Variants in SNX29 observed in about 807,000 individuals in gnomAD.
SNX29 encodes the protein sorting nexin 29.
Under a neutral mutation model 102.1 loss-of-function variants are expected in SNX29, and 78 were observed. The observed-to-expected ratio is 0.76, with a 90% confidence interval of 0.64 to 0.92. The LOEUF (loss-of-function observed/expected upper bound fraction) is 0.92. Ranked by LOEUF, SNX29 falls within the 40% of genes least tolerant of loss-of-function variation. The pLI is 0.00. For synonymous variants in SNX29, 580 were observed against 414.5 expected, an observed-to-expected ratio of 1.40 and a Z score of -4.85; for missense variants, 1,280 against 1,061.7, an observed-to-expected ratio of 1.21 and a Z score of -2.86.
chr16:12,515,734 G>A (rs1270871584), intron 19 of SNX29: 6 of 412,352 alleles, frequency 1.5e-5, no homozygotes, highest in Non-Finnish European at 2.9e-5. Context: ...GAGGGCAGGG[G>A]TCACATCTGT....
chr16:12,558,746 C>T (rs192233762), intron 20 of SNX29, among the ~76,000 whole-genome samples: 6 of 152,332 alleles, frequency 3.9e-5, no homozygotes, highest in Admixed American at 3.3e-4. Context: ...CTAGGCTGTC[C>T]CAGGCCCATT....
chr16:12,387,616 G>C (rs1270406608), intron 16 of SNX29, among the ~76,000 whole-genome samples: 1 of 152,242 alleles, frequency 6.6e-6, no homozygotes, highest in Non-Finnish European at 1.5e-5. Flanking sequence ...TTTTAAAATA[G>C]GATGTCGCAG....
At chr16:12,538,105 T>C (rs2077159370) in intron 20 of SNX29, among the ~76,000 whole-genome samples, 2 of 144,032 alleles carry the variant, frequency 1.4e-5, no homozygotes, top group Non-Finnish European at 3.0e-5. Flanking sequence ...CACAGCTTTC[T>C]GCATTTCCCC....
intron 15 of SNX29, among the ~76,000 whole-genome samples, chr16:12,339,880 G>T (rs1035392969): frequency 6.6e-6 from 1 of 152,182 alleles, no homozygotes; most frequent in African/African-American, 2.4e-5. Flanking sequence ...GCCAGGGCAC[G>T]TGGCCAACAG....
chr16:11,997,775 G>A (rs546895994), intron 1 of SNX29, among the ~76,000 whole-genome samples: 74 of 152,156 alleles, frequency 4.9e-4, no homozygotes, highest in African/African-American at 1.6e-3. Flanking sequence ...CACTGTACCC[G>A]GCCTTCTAGT....
rs1190760180 is a variant in SNX29 at position 12,476,313 on chromosome 16, C to CA, written c.2038-1396dup. On this transcript the variant is annotated intron_variant, in intron 18 of 20. Coordinates refer to ENST00000566228, the MANE Select transcript of SNX29 (RefSeq NM_032167.5). ...TGGGCAACAGAGTGAGACTTCGTCT[C>CA]AAAAAAAAAAGTGAGCAAAGGACAC... Among the ~76,000 whole-genome samples the CA allele has an allele frequency of 1.6e-3, 118 of 72,140 alleles. 1 individual carries two copies. The highest frequency in any genetic ancestry group is 5.2e-3 in the African/African-American group (101 of 19,600). The allele number at this position is 72,140 out of a possible 152,430, so 47.3% of individuals were successfully genotyped here.
chr16:12,497,104 A>G (rs1170092746), intron 19 of SNX29, among the ~76,000 whole-genome samples: 1 of 152,192 alleles, frequency 6.6e-6, no homozygotes, highest in African/African-American at 2.4e-5. Flanking sequence ...CCTCCCTGTT[A>G]TCTCCAGGAC....
intron 5 of SNX29, 92 bp from the exon 6 acceptor site, chr16:12,046,292 A>C: frequency 7.7e-7 from 1 of 1,292,654 alleles, no homozygotes; most frequent in South Asian, 1.2e-5. Context: ...CCAGGTGCAG[A>C]TCTTCCAGGG....
intron 15 of SNX29, among the ~76,000 whole-genome samples, chr16:12,317,560 C>G (rs1391997885): frequency 6.6e-6 from 1 of 152,160 alleles, no homozygotes; most frequent in East Asian, 1.9e-4. Context: ...CCATAAAGAA[C>G]AAATAACATG....
intron 18 of SNX29, among the ~76,000 whole-genome samples, chr16:12,442,655 A>G (rs913150535): frequency 6.6e-6 from 1 of 151,782 alleles, no homozygotes; most frequent in African/African-American, 2.4e-5. Flanking sequence ...CAGTGGCACA[A>G]TCATGGCTCA....
intron 19 of SNX29, chr16:12,515,542 G>T (rs1412913612): frequency 4.1e-6 from 2 of 491,742 alleles, no homozygotes; most frequent in Non-Finnish European, 8.1e-6. Context: ...GACTGCAGCA[G>T]CATCCTTGCT....
intron 19 of SNX29, among the ~76,000 whole-genome samples, chr16:12,505,275 C>T (rs2089320262): frequency 6.6e-6 from 1 of 152,020 alleles, no homozygotes; most frequent in Non-Finnish European, 1.5e-5. Context: ...GGGTGGTTTA[C>T]AAATAACAGA....
chr16:12,059,962 G>T (rs183739833), intron 8 of SNX29, among the ~76,000 whole-genome samples: 1 of 152,038 alleles, frequency 6.6e-6, no homozygotes, highest in Non-Finnish European at 1.5e-5. Context: ...CCTTCCCTTT[G>T]TCTGCCCCCG....
chr16:12,261,447 G>A (rs187446618), intron 14 of SNX29, among the ~76,000 whole-genome samples: 1 of 136,952 alleles, frequency 7.3e-6, no homozygotes, highest in Non-Finnish European at 1.5e-5. Flanking sequence ...CGTGTCCCCC[G>A]CTGGAGTGAG....
chr16:12,299,343 G>A (rs1010477255), intron 15 of SNX29, among the ~76,000 whole-genome samples: 6 of 152,130 alleles, frequency 3.9e-5, no homozygotes, highest in African/African-American at 1.2e-4. Context: ...CCTATTTGAT[G>A]TTTTCCAGTT....
chr16:12,088,543 C>T (rs987405976), intron 11 of SNX29, among the ~76,000 whole-genome samples: 7 of 152,126 alleles, frequency 4.6e-5, no homozygotes, highest in African/African-American at 7.2e-5. Context: ...AGAGGAATGG[C>T]GTTTCGAGTG....
At chr16:12,479,900 G>T (rs1220629647) in intron 19 of SNX29, among the ~76,000 whole-genome samples, 2 of 152,170 alleles carry the variant, frequency 1.3e-5, no homozygotes, top group Non-Finnish European at 2.9e-5. Context: ...AAACTCTTAG[G>T]TTGTGGCTTA....
chr16:12,180,016 G>A (rs1219772978), intron 13 of SNX29, among the ~76,000 whole-genome samples: 1 of 152,004 alleles, frequency 6.6e-6, no homozygotes, highest in Non-Finnish European at 1.5e-5. Flanking sequence ...GTGGAACTTC[G>A]GGTCTCTTTA....
chr16:12,006,502 G>A (rs1401997497), intron 3 of SNX29, among the ~76,000 whole-genome samples: 10 of 144,776 alleles, frequency 6.9e-5, no homozygotes, highest in Non-Finnish European at 1.2e-4. Flanking sequence ...GGCAACAAGA[G>A]CGATACTGTC....
Sources: allele counts gnomAD v4.1 joint callset (sites outside exome capture counted in the v4.1 genomes callset), GRCh38; gene constraint gnomAD v4.1.1; transcripts MANE v1.5; gene names NCBI Gene and HGNC (gene_info 2026-07-23, HGNC 2026-07-21).